VPS35L: variants seen among roughly 807,000 people sequenced by gnomAD.
The protein encoded by VPS35L is VPS35 endosomal protein sorting factor like, also known as VPS35 endosomal protein-sorting factor-like.
Under a neutral mutation model 133.0 loss-of-function variants are expected in VPS35L, and 83 were observed. That is an observed-to-expected ratio of 0.62 (90% confidence interval 0.52 to 0.75). The LOEUF (loss-of-function observed/expected upper bound fraction) is 0.75. Ranked by LOEUF, VPS35L falls within the 30% of genes least tolerant of loss-of-function variation. The probability of loss-of-function intolerance (pLI) is 0.00; values close to 1 mark genes in which losing one functional copy is unlikely to be tolerated. For missense variants in VPS35L, 1,083 were observed against 1,206.8 expected, an observed-to-expected ratio of 0.90 and a Z score of 1.52; for synonymous variants, 423 against 449.9, an observed-to-expected ratio of 0.94 and a Z score of 0.76.
rs1976092264 is a variant in VPS35L at position 19,700,499 on chromosome 16, C to T, written c.*23C>T. On this transcript the variant is annotated 3_prime_UTR_variant, in exon 31 of 31. Coordinates refer to ENST00000417362, the MANE Select transcript of VPS35L (RefSeq NM_020314.7). Reference sequence around the variant, plus strand: ...TGACCCCCGGGCCCATCCCCAGGCTCAGGGACTCTGGTGCCAAATCCAGAA... The same window carrying T: ...TGACCCCCGGGCCCATCCCCAGGCTTAGGGACTCTGGTGCCAAATCCAGAA... 1 of 1,595,374 alleles carries T rather than the reference C, an allele frequency of 6.3e-7. No individual in the cohort carries two copies. Among genetic ancestry groups the T allele is most frequent in the Non-Finnish European group, 8.6e-7 (1 of 1,163,166 alleles).
chr16:19,661,429 A>G (rs1402965875), intron 26 of VPS35L, among the ~76,000 whole-genome samples: 1 of 152,170 alleles, frequency 6.6e-6, no homozygotes, highest in Non-Finnish European at 1.5e-5. Context: ...GTGGAACTCT[A>G]TTGTTCAGAC....
intron 24 of VPS35L, among the ~76,000 whole-genome samples, chr16:19,648,948 G>A (rs1005766213): frequency 6.6e-6 from 1 of 150,454 alleles, no homozygotes; most frequent in Admixed American, 6.6e-5. Context: ...ACAGCCATTT[G>A]AAGAAAGTAT....
chr16:19,632,165 G>C (rs1469709486), intron 18 of VPS35L, among the ~76,000 whole-genome samples: 1 of 151,936 alleles, frequency 6.6e-6, no homozygotes, highest in Non-Finnish European at 1.5e-5. Flanking sequence ...GTTTCACCAT[G>C]TTGGCCAGGC....
At chr16:19,624,295 T>C (rs1282064738) in intron 14 of VPS35L, among the ~76,000 whole-genome samples, 2 of 151,526 alleles carry the variant, frequency 1.3e-5, no homozygotes, top group Non-Finnish European at 2.9e-5. Context: ...TTTTAAAAAA[T>C]TTTATGACTG....
intron 21 of VPS35L, 126 bp from the exon 22 acceptor site, chr16:19,642,270 G>T: frequency 5.6e-6 from 4 of 718,240 alleles, no homozygotes; most frequent in Non-Finnish European, 6.9e-6. Flanking sequence ...GGTAAACTGG[G>T]CTGGGTGAAA....
In VPS35L at chr16:19,557,619, G is replaced by A. The variant is rs76333532; in HGVS notation, c.17+1873G>A. On this transcript the variant is annotated intron_variant, in intron 1 of 30. Transcript: ENST00000417362. ...GCTGGTCTCGAACTCCTGACCTTAAGTGATCCGCCGACCTCGGGTTCCCAA... is the reference window on the plus strand; with the variant it reads ...GCTGGTCTCGAACTCCTGACCTTAAATGATCCGCCGACCTCGGGTTCCCAA... Among the ~76,000 whole-genome samples the A allele has an allele frequency of 3.5e-3, 536 of 152,156 alleles. 2 individuals carry two copies. The highest frequency in any genetic ancestry group is 0.012 in the African/African-American group (495 of 41,556).
intron 12 of VPS35L, 44 bp from the exon 13 acceptor site, chr16:19,616,070 A>G (rs781762650): frequency 6.1e-6 from 9 of 1,477,698 alleles, no homozygotes; most frequent in Middle Eastern, 1.7e-4. Flanking sequence ...AAATCATACT[A>G]TAGTCATTAT....
At chr16:19,608,021 T>C (rs866898716) in intron 9 of VPS35L, among the ~76,000 whole-genome samples, 157 bp from the exon 10 acceptor site, 8 of 152,352 alleles carry the variant, frequency 5.3e-5, no homozygotes, top group African/African-American at 1.9e-4. Flanking sequence ...GTGTAAACTA[T>C]TGTTATCATC....
chr16:19,581,441 A>G, intron 6 of VPS35L, 84 bp from the exon 7 acceptor site: 1 of 1,362,328 alleles, frequency 7.3e-7, no homozygotes, highest in Non-Finnish European at 9.6e-7. Flanking sequence ...ACCAAAACTC[A>G]GCCAATACCT....
chr16:19,604,699 G>A (rs2151541644), intron 9 of VPS35L, among the ~76,000 whole-genome samples: 1 of 152,308 alleles, frequency 6.6e-6, no homozygotes, highest in Non-Finnish European at 1.5e-5. Context: ...AAGAGATTAT[G>A]TGTGAAGAGA....
chr16:19,556,335 C>T (rs1418363838), intron 1 of VPS35L, among the ~76,000 whole-genome samples: 1 of 141,798 alleles, frequency 7.1e-6, no homozygotes, highest in African/African-American at 3.0e-5. Context: ...ATTATCCCCA[C>T]CAGGGGGCTA....
chr16:19,689,277 T>A (rs1597439822), intron 28 of VPS35L, among the ~76,000 whole-genome samples: 1 of 41,240 alleles, frequency 2.4e-5, no homozygotes, highest in South Asian at 6.6e-4. Context: ...GTGCCTGGCG[T>A]TTTTTTTTTT....
At chr16:19,666,902 T>TCC (rs1974689323) in intron 26 of VPS35L, among the ~76,000 whole-genome samples, 1 of 79,986 alleles carries the variant, frequency 1.3e-5, no homozygotes, top group African/African-American at 5.3e-5. Flanking sequence ...CTTTCTTTCT[T>TCC]TCTTTCTTTC....
intron 2 of VPS35L, among the ~76,000 whole-genome samples, chr16:19,568,038 G>T (rs1971242578): frequency 1.3e-5 from 2 of 151,328 alleles, no homozygotes; most frequent in Non-Finnish European, 2.9e-5. Context: ...GAGTTCCCAT[G>T]CCTCCCTCCC....
chr16:19,645,051 C>A, intron 23 of VPS35L, 102 bp downstream of exon 23: 1 of 704,146 alleles, frequency 1.4e-6, no homozygotes. Flanking sequence ...TGGTGCTTTT[C>A]ATTCTTAGTG....
intron 18 of VPS35L, among the ~76,000 whole-genome samples, chr16:19,630,851 A>C (rs1049461918): frequency 6.6e-6 from 1 of 151,864 alleles, no homozygotes; most frequent in African/African-American, 2.4e-5. Flanking sequence ...CTAAAAATAA[A>C]AAAAAAAATT....
intron 1 of VPS35L, among the ~76,000 whole-genome samples, chr16:19,558,057 G>A (rs1970917017): frequency 6.6e-6 from 1 of 151,160 alleles, no homozygotes; most frequent in African/African-American, 2.4e-5. Flanking sequence ...GCTACTAAGC[G>A]AGACTCCGTC....
chr16:19,598,171 T>C (rs968137923), intron 8 of VPS35L, among the ~76,000 whole-genome samples: 2 of 152,206 alleles, frequency 1.3e-5, no homozygotes, highest in African/African-American at 4.8e-5. Context: ...TCGTAGACCC[T>C]GCCTCTAAGG....
chr16:19,600,094 TAGG>T (rs1294635037), intron 8 of VPS35L, among the ~76,000 whole-genome samples: 1 of 152,198 alleles, frequency 6.6e-6, no homozygotes, highest in Non-Finnish European at 1.5e-5. Flanking sequence ...TGGCTCATAC[TAGG>T]AGAAGCACCT....
Sources: gnomAD v4.1 joint callset for allele counts (sites outside exome capture counted in the v4.1 genomes callset) on GRCh38, gnomAD v4.1.1 for gene constraint, MANE v1.5 for transcripts, NCBI Gene and HGNC (gene_info 2026-07-23, HGNC 2026-07-21) for gene names.